The following AP5S1 variants were observed in gnomAD, a reference collection of about 807,000 sequenced individuals.
AP5S1 encodes adaptor related protein complex 5 subunit sigma 1.
A neutral mutation model predicts 13.9 loss-of-function variants in AP5S1; 13 were observed. That is an observed-to-expected ratio of 0.94 (90% CI 0.61 to 1.49). The LOEUF (loss-of-function observed/expected upper bound fraction) is 1.49, where lower values mean the gene tolerates loss of function less well. Among genes scored for constraint, AP5S1 ranks in the 40% most tolerant of loss-of-function variants. The probability of loss-of-function intolerance (pLI) is 0.00; values close to 1 mark genes in which losing one functional copy is unlikely to be tolerated. For synonymous variants in AP5S1, 132 were observed against 121.8 expected, an observed-to-expected ratio of 1.08 and a Z score of -0.55; for missense variants, 292 against 272.3, an observed-to-expected ratio of 1.07 and a Z score of -0.51.
intron 2 of AP5S1, among the ~76,000 whole-genome samples, chr20:3,823,046 T>C (rs2089595780): frequency 1.3e-5 from 2 of 152,150 alleles, no homozygotes; most frequent in African/African-American, 4.8e-5. Context: ...TTCCCCTCCC[T>C]GTAGCTCAGA....
intron 2 of AP5S1, chr20:3,823,536 C>T: frequency 7.1e-6 from 7 of 985,400 alleles, no homozygotes; most frequent in Non-Finnish European, 8.4e-6. Context: ...CAGGCTTGAG[C>T]CACCGCGCCT....
In AP5S1 at chr20:3,827,719, A is replaced by C. The variant is rs1295975454; in HGVS notation, c.*3422A>C. ...TTTTTCTAGCCCTGTGGTGCTGCGC[A>C]CTGTCCAGCATCCCCCCAGGGCTCA... is the stretch of plus-strand genomic sequence containing the variant. On this transcript the variant is annotated 3_prime_UTR_variant, in exon 3 of 3. Coordinates refer to ENST00000615891, the MANE Select transcript of AP5S1 (RefSeq NM_018347.3). 1.3e-5 allele frequency: 2 copies of C among 150,572 alleles called. No homozygotes were observed. Among genetic ancestry groups the C allele is most frequent in the East Asian group, 3.9e-4 (2 of 5,132 alleles). The allele number at this position is 150,572 out of a possible 1,614,324, so 9.3% of individuals were successfully genotyped here.
intron 2 of AP5S1, among the ~76,000 whole-genome samples, 154 bp downstream of exon 2, chr20:3,822,447 A>G (rs2089591109): frequency 6.6e-6 from 1 of 152,136 alleles, no homozygotes; most frequent in South Asian, 2.1e-4. Flanking sequence ...ACAGCTTTTC[A>G]TAAGTGTTAC....
chr20:3,824,284 C>T lies in AP5S1; in HGVS notation c.590C>T (p.Ala197Val). 2 of 1,612,116 alleles carry T rather than the reference C, an allele frequency of 1.2e-6. No individual in the cohort carries two copies. The highest frequency in any genetic ancestry group is 1.7e-6 in the Non-Finnish European group (2 of 1,178,546). ...VQGLEKEFSAAWPR is the reference protein window; with the variant it reads ...VQGLEKEFSAVWPR ...GGCCTGGAGAAGGAATTCAGTGCCG[C>T]TTGGCCCCGCTGATTCCTCGTTGGG... The change falls in exon 3 of 3, where the codon GCT becomes GTT. Residue 197 changes from alanine to valine, a missense_variant. Physicochemically the swap from Ala to Val is moderately conservative, Grantham distance 64. Coordinates refer to ENST00000615891, the MANE Select transcript of AP5S1 (RefSeq NM_018347.3).
chr20:3,822,313 C>T lies in AP5S1; in HGVS notation c.176+20C>T. 6.2e-7 allele frequency: 1 copy of T among 1,610,158 alleles called. No individual in the cohort carries two copies. The highest frequency in any genetic ancestry group is 8.5e-7 in the Non-Finnish European group (1 of 1,176,774). On this transcript the variant is annotated intron_variant, in intron 2 of 2. Coordinates refer to ENST00000615891, the MANE Select transcript of AP5S1 (RefSeq NM_018347.3). ...GGCCAGGTAACCACACAGCCCAGCC[C>T]CAGGCCTTCATTGAACACGTACCTG...
chr20:3,823,541 G>C (rs960939417), intron 2 of AP5S1: 2 of 985,154 alleles, frequency 2.0e-6, no homozygotes, highest in African/African-American at 3.5e-5. Context: ...TTGAGCCACC[G>C]CGCCTGGCCA....
chr20:3,827,309 G>C lies in AP5S1; in HGVS notation c.*3012G>C, dbSNP rs928618340. On this transcript the variant is annotated 3_prime_UTR_variant, in exon 3 of 3. Coordinates refer to ENST00000615891, the MANE Select transcript of AP5S1 (RefSeq NM_018347.3). Reference sequence around the variant, plus strand: ...AGGCGGAGTTTCTCTTTGTTGCCCAGGCTGGAGTGCAGTGGCGCAATCTCG... The same window carrying C: ...AGGCGGAGTTTCTCTTTGTTGCCCACGCTGGAGTGCAGTGGCGCAATCTCG... 3.3e-5 allele frequency: 5 copies of C among 152,368 alleles called. No individual in the cohort carries two copies. Among genetic ancestry groups the C allele is most frequent in the African/African-American group, 1.2e-4 (5 of 41,436 alleles). The allele number at this position is 152,368 out of a possible 1,614,324, so 9.4% of individuals were successfully genotyped here.
At position 3,824,601 on chromosome 20, in the gene AP5S1, T is replaced by A; in HGVS notation, c.*304T>A. 1 of 390,166 alleles carries A rather than the reference T, an allele frequency of 2.6e-6. No individual in the cohort carries two copies. The highest frequency in any genetic ancestry group is 4.7e-6 in the Non-Finnish European group (1 of 212,148). The allele number at this position is 390,166 out of a possible 1,614,324, so 24.2% of individuals were successfully genotyped here. A position where few individuals can be genotyped will look rare whatever the true frequency, so the allele number is the denominator to read the frequency against. Reference sequence around the variant, plus strand: ...TCCCTGCCAGCCGATAGTGCTAGGGTGAGGAGCTGCCTGGAGCTCACCCCG... The same window carrying A: ...TCCCTGCCAGCCGATAGTGCTAGGGAGAGGAGCTGCCTGGAGCTCACCCCG... On this transcript the variant is annotated 3_prime_UTR_variant, in exon 3 of 3. Transcript: ENST00000615891.
intron 1 of AP5S1, 144 bp downstream of exon 1, chr20:3,820,902 CCTG>C (rs1313097664): frequency 6.6e-6 from 1 of 152,200 alleles, no homozygotes; most frequent in African/African-American, 2.4e-5. Context: ...CCTTTGCGAA[CCTG>C]CTATTTTACC....
In AP5S1 at chr20:3,821,878, CTTTTTTT is replaced by C. The variant is rs760765518; in HGVS notation, c.-16-215_-16-209del. ...GTTTGTTTGTTTGTTTTTCTTTTTT[CTTTTTTT>C]TTTTTTTTAGTTTATGCCTATTCTG... is the stretch of plus-strand genomic sequence containing the variant. On this transcript the variant is annotated intron_variant, in intron 1 of 2. Coordinates refer to ENST00000615891, the MANE Select transcript of AP5S1 (RefSeq NM_018347.3). 4 of 829,094 alleles carry C rather than the reference CTTTTTTT, an allele frequency of 4.8e-6. No individual in the cohort carries two copies. In the East Asian group the frequency reaches 4.0e-4, roughly 82 times the overall value. The allele number at this position is 829,094 out of a possible 1,614,324, so 51.4% of individuals were successfully genotyped here.
At position 3,826,753 on chromosome 20, in the gene AP5S1, C is replaced by T. The variant is rs905294119; in HGVS notation, c.*2456C>T. The stretch of plus-strand genomic sequence containing the variant: ...ACACTTCACACTTCTGCCCCAGCCT[C>T]TTGGGCTGGGTTTCCACCACAATTT... On this transcript the variant is annotated 3_prime_UTR_variant, in exon 3 of 3. Transcript: ENST00000615891. 6.6e-6 allele frequency: 1 copy of T among 152,262 alleles called. No homozygotes were observed. Among genetic ancestry groups the T allele is most frequent in the African/African-American group, 2.4e-5 (1 of 41,454 alleles). 9.4% of individuals were successfully genotyped at this position (152,262 alleles called of 1,614,324 possible).
At chr20:3,822,491 T>C (rs1600424806) in intron 2 of AP5S1, among the ~76,000 whole-genome samples, 198 bp downstream of exon 2, 1 of 152,338 alleles carries the variant, frequency 6.6e-6, no homozygotes, top group Non-Finnish European at 1.5e-5. Context: ...AATTCTGTTA[T>C]CATTATTAGT....
At position 3,823,914 on chromosome 20, in the gene AP5S1, CG is replaced by C; in HGVS notation, c.222del (p.Met77TrpfsTer44). On this transcript the variant is annotated frameshift_variant, in exon 3 of 3. Coordinates refer to ENST00000615891, the MANE Select transcript of AP5S1 (RefSeq NM_018347.3). LOFTEE classifies it high-confidence loss of function. ...MCRLQQQASG[R>X]PPMDLQPQSS... The stretch of plus-strand genomic sequence containing the variant: ...TCGGCTGCAGCAGCAGGCATCTGGC[CG>C]GCCCCCCATGGACCTGCAGCCGCAA... 1 of 1,603,428 alleles carries C rather than the reference CG, an allele frequency of 6.2e-7. No individual in the cohort carries two copies. Among genetic ancestry groups the C allele is most frequent in the Non-Finnish European group, 8.5e-7 (1 of 1,179,606 alleles).
In AP5S1 at chr20:3,824,092, T is replaced by A. The variant is rs371128322; in HGVS notation, c.398T>A (p.Leu133Gln). The change falls in exon 3 of 3, where the codon CTA becomes CAA. Residue 133 changes from leucine to glutamine, a missense_variant. Physicochemically the swap from Leu to Gln is moderately radical, Grantham distance 113. Transcript: ENST00000615891. ...ALVLDAHENL[L>Q]LAEGTLRLLT... Reference sequence around the variant, plus strand: ...GTGCTGGATGCCCATGAGAACCTGCTACTGGCTGAGGGCACGCTCCGGCTG... The same window carrying A: ...GTGCTGGATGCCCATGAGAACCTGCAACTGGCTGAGGGCACGCTCCGGCTG... 57 of 1,613,882 alleles carry A rather than the reference T, an allele frequency of 3.5e-5. No individual in the cohort carries two copies. The highest frequency in any genetic ancestry group is 4.4e-5 in the Non-Finnish European group (52 of 1,180,028).
At chr20:3,823,598 TGA>T in intron 2 of AP5S1, 4 of 985,356 alleles carry the variant, frequency 4.1e-6, no homozygotes, top group Non-Finnish European at 4.8e-6. Flanking sequence ...GTGAAGCAGG[TGA>T]GGGCAGGATC....
intron 1 of AP5S1, among the ~76,000 whole-genome samples, chr20:3,821,555 A>G (rs563234100): frequency 6.6e-6 from 1 of 152,038 alleles, no homozygotes; most frequent in South Asian, 2.1e-4. Flanking sequence ...TTTAGTAGAG[A>G]TGAGGTTTCA....
intron 1 of AP5S1, 69 bp downstream of exon 1, chr20:3,820,827 CT>C (rs1249180228): frequency 1.3e-5 from 2 of 152,428 alleles, no homozygotes; most frequent in East Asian, 1.9e-4. Flanking sequence ...TGATGACGCG[CT>C]CTGCTGGCGG....
intron 2 of AP5S1, among the ~76,000 whole-genome samples, chr20:3,823,313 A>G (rs1375201941): frequency 6.6e-6 from 1 of 152,072 alleles, no homozygotes; most frequent in African/African-American, 2.4e-5. Context: ...CAGTGGCGCA[A>G]TCTTGGCTCA....
In AP5S1 at chr20:3,824,475, A is replaced by T. The variant is rs539348338; in HGVS notation, c.*178A>T. The stretch of plus-strand genomic sequence containing the variant: ...GGTGGAGGAGGTCCTGCCTGTCCTC[A>T]GGTTAGTGGAACCACAGAACTTCCT... On this transcript the variant is annotated 3_prime_UTR_variant, in exon 3 of 3. Coordinates refer to ENST00000615891, the MANE Select transcript of AP5S1 (RefSeq NM_018347.3). 7 of 656,984 alleles carry T rather than the reference A, an allele frequency of 1.1e-5. No individual in the cohort carries two copies. The African/African-American group carries it at 1.1e-4, about 10-fold the overall frequency. 40.7% of individuals were successfully genotyped at this position (656,984 alleles called of 1,614,324 possible).
Sources: gnomAD v4.1 joint callset for allele counts (sites outside exome capture counted in the v4.1 genomes callset) on GRCh38, gnomAD v4.1.1 for gene constraint, MANE v1.5 for transcripts, NCBI Gene and HGNC (gene_info 2026-07-23, HGNC 2026-07-21) for gene names.